FAAH2: variants seen among roughly 807,000 people sequenced by gnomAD.
FAAH2 encodes fatty acid amide hydrolase 2, also known as fatty-acid amide hydrolase 2.
In FAAH2, 60 loss-of-function variants were observed where a neutral mutation model predicts 36.9. The observed-to-expected ratio is 1.63, with a 90% confidence interval of 1.32 to 2.02. The LOEUF is 2.02. Ranked by LOEUF, FAAH2 falls within the 30% of genes most tolerant of loss-of-function variation. The probability of loss-of-function intolerance (pLI) is 0.00; values close to 1 mark genes in which losing one functional copy is unlikely to be tolerated. For synonymous variants in FAAH2, 214 were observed against 143.8 expected, an observed-to-expected ratio of 1.49 and a Z score of -3.49; for missense variants, 689 against 397.5, an observed-to-expected ratio of 1.73 and a Z score of -6.23.
At chrX:57,202,898 G>C in the FAAH2 span, among the ~76,000 whole-genome samples, 1 of 111,821 alleles carries the variant, frequency 8.9e-6, no homozygotes, top group African/African-American at 3.2e-5. Flanking sequence ...AGACTGAAAA[G>C]CCTCACCCCA....
At position 57,291,238 on chromosome X, in the gene FAAH2, A is replaced by G. The variant is rs746135944; in HGVS notation, c.193-1260A>G. Reference sequence around the variant, plus strand: ...TACTACTGTACTTATACATCTGGTCAACTTCTCTTTGTATTTGTAGTATAT... The same window carrying G: ...TACTACTGTACTTATACATCTGGTCGACTTCTCTTTGTATTTGTAGTATAT... On this transcript the variant is annotated intron_variant, in intron 1 of 10. Transcript: ENST00000374900. Among the ~76,000 whole-genome samples, 4 of 111,970 alleles carry G rather than the reference A, an allele frequency of 3.6e-5. No homozygotes were observed. In the South Asian group the frequency reaches 1.5e-3, roughly 41 times the overall value.
the FAAH2 span, among the ~76,000 whole-genome samples, chrX:57,215,906 C>CATAT: frequency 0.018 from 1,566 of 89,483 alleles, 14 homozygotes; most frequent in South Asian, 0.035. Context: ...CCATGGCACT[C>CATAT]ATATATATAT....
At chrX:57,271,655 C>A in the FAAH2 span, among the ~76,000 whole-genome samples, 2 of 112,134 alleles carry the variant, frequency 1.8e-5, no homozygotes, top group Non-Finnish European at 3.8e-5. Flanking sequence ...CAAACTCCAG[C>A]TGACTGGCAG....
the FAAH2 span, among the ~76,000 whole-genome samples, chrX:57,240,156 T>C: frequency 1.8e-5 from 2 of 112,082 alleles, no homozygotes; most frequent in African/African-American, 6.5e-5. Context: ...GTGTGTGGGC[T>C]GATGTTCATT....
intron 7 of FAAH2, among the ~76,000 whole-genome samples, chrX:57,413,539 C>T (rs149481386): frequency 3.0e-3 from 328 of 110,996 alleles, no homozygotes; most frequent in African/African-American, 0.01. Context: ...AGATGTGTGG[C>T]GTTATTTCTG....
rs767296013 is a variant in FAAH2, at chrX:57,342,611, AT to A, written c.742+1229del. 1.6e-4 allele frequency among the ~76,000 whole-genome samples: 18 copies of A among 110,552 alleles called. No homozygotes were observed. The South Asian group carries it at 6.1e-3, about 38-fold the overall frequency. On this transcript the variant is annotated intron_variant, in intron 5 of 10. Coordinates refer to ENST00000374900, the MANE Select transcript of FAAH2 (RefSeq NM_174912.4). Reference sequence around the variant, plus strand: ...AAATTGGCCTGCTAGGAGTTGACCTATTTTTTTTCCCTTCCATATTTTATTC... The same window carrying A: ...AAATTGGCCTGCTAGGAGTTGACCTATTTTTTTCCCTTCCATATTTTATTC...
the FAAH2 span, among the ~76,000 whole-genome samples, chrX:57,164,480 G>A: frequency 8.9e-6 from 1 of 111,741 alleles, no homozygotes; most frequent in African/African-American, 3.3e-5. Flanking sequence ...CATTTAATGT[G>A]CTAGTATAGC....
chrX:57,391,171 G>A (rs2055158062), intron 7 of FAAH2, among the ~76,000 whole-genome samples: 1 of 109,827 alleles, frequency 9.1e-6, no homozygotes, highest in Admixed American at 9.7e-5. Flanking sequence ...TTTTTAATGG[G>A]GTTTTTTTTG....
chrX:57,309,881 A>G (rs1207857326), intron 2 of FAAH2, among the ~76,000 whole-genome samples: 2 of 112,015 alleles, frequency 1.8e-5, no homozygotes, highest in Non-Finnish European at 1.9e-5. Flanking sequence ...ATAGTGGCGC[A>G]ATGAACATAT....
intron 10 of FAAH2, among the ~76,000 whole-genome samples, chrX:57,463,180 C>A (rs756179043): frequency 9.0e-6 from 1 of 111,705 alleles, no homozygotes; most frequent in Non-Finnish European, 1.9e-5. Context: ...AATGAAAAAA[C>A]ATTCCATACT....
Position 57,480,969 on chromosome X carries a change from A to T in FAAH2, c.1424-7788A>T, listed in dbSNP as rs1442184296. Among the ~76,000 whole-genome samples the T allele has an allele frequency of 1.5e-4, 16 of 106,107 alleles. No homozygotes were observed. In the Admixed American group the frequency reaches 1.6e-3, roughly 11 times the overall value. The allele number at this position is 106,107 out of a possible 115,157, so 92.1% of individuals were successfully genotyped here. On this transcript the variant is annotated intron_variant, in intron 10 of 10. Transcript: ENST00000374900. ...ACTCTTTTTTTTTTCTAATCTTGTA[A>T]TCTTGCCTTATTTCAGTAAGGTGAT... is the stretch of plus-strand genomic sequence containing the variant.
chrX:57,377,780 G>A (rs1275929583), intron 5 of FAAH2, among the ~76,000 whole-genome samples: 1 of 112,333 alleles, frequency 8.9e-6, no homozygotes, highest in Non-Finnish European at 1.9e-5. Flanking sequence ...CCATGAGCAT[G>A]AAATGTTTTT....
intron 3 of FAAH2, among the ~76,000 whole-genome samples, chrX:57,316,644 A>G (rs746531758): frequency 9.9e-5 from 11 of 111,587 alleles, no homozygotes; most frequent in South Asian, 3.7e-4. Flanking sequence ...TATTCAATAC[A>G]TGGTGCTGGG....
the FAAH2 span, among the ~76,000 whole-genome samples, chrX:57,268,149 G>T: frequency 8.9e-6 from 1 of 111,743 alleles, no homozygotes; most frequent in African/African-American, 3.3e-5. Context: ...GAATAGAGAC[G>T]AACATAACCA....
At chrX:57,173,754 T>A in the FAAH2 span, among the ~76,000 whole-genome samples, 1 of 111,939 alleles carries the variant, frequency 8.9e-6, no homozygotes, top group African/African-American at 3.2e-5. Flanking sequence ...ATATGGCTAG[T>A]TTGTTGACAG....
intron 7 of FAAH2, among the ~76,000 whole-genome samples, chrX:57,423,702 G>A (rs2056091534): frequency 9.0e-6 from 1 of 111,031 alleles, no homozygotes; most frequent in African/African-American, 3.3e-5. Flanking sequence ...CTCCTGTCTG[G>A]GCTGGTGCTT....
At chrX:57,212,150 C>T in the FAAH2 span, among the ~76,000 whole-genome samples, 1 of 111,534 alleles carries the variant, frequency 9.0e-6, no homozygotes, top group Non-Finnish European at 1.9e-5. Context: ...AGAAGGATTG[C>T]TTGAAACAAG....
intron 8 of FAAH2, among the ~76,000 whole-genome samples, chrX:57,436,598 C>T (rs5914107): frequency 0.53 from 57,840 of 109,560 alleles, 13,692 homozygotes; most frequent in Non-Finnish European, 0.73. Context: ...GAAATACAAA[C>T]ATTCTTAAAA....
At chrX:57,393,849 C>G (rs973334886) in intron 7 of FAAH2, 70 of 941,842 alleles carry the variant, frequency 7.4e-5, no homozygotes, top group South Asian at 1.9e-4. Context: ...GTATTCAACA[C>G]TCTTTGCCAA....
Sources: gnomAD v4.1 joint callset for allele counts (sites outside exome capture counted in the v4.1 genomes callset) on GRCh38, gnomAD v4.1.1 for gene constraint, MANE v1.5 for transcripts, NCBI Gene and HGNC (gene_info 2026-07-23, HGNC 2026-07-21) for gene names.